ROBO2: variants seen among roughly 807,000 people sequenced by gnomAD.
The protein encoded by ROBO2 is roundabout guidance receptor 2, also known as roundabout homolog 2.
Under a neutral mutation model 160.8 loss-of-function variants are expected in ROBO2, and 53 were observed. The ratio of observed to expected loss-of-function variants is 0.33; its 90% CI spans 0.26 to 0.41. The LOEUF (loss-of-function observed/expected upper bound fraction) is 0.41. Ranked by LOEUF, ROBO2 falls within the 10% of genes least tolerant of loss-of-function variation. The pLI is 1.00. For missense variants in ROBO2, 1,577 were observed against 1,722.4 expected (o/e 0.92, Z 1.49); for synonymous variants, 664 against 611.7 (o/e 1.09, Z -1.26).
intron 2 of ROBO2, among the ~76,000 whole-genome samples, chr3:76,330,899 C>T (rs566463470): frequency 2.6e-5 from 4 of 152,208 alleles, no homozygotes; most frequent in African/African-American, 4.8e-5. Flanking sequence ...TACTACCTAG[C>T]ACAGCCTCAT....
At chr3:75,977,071 A>G (rs1432428661) in intron 2 of ROBO2, among the ~76,000 whole-genome samples, 1 of 151,628 alleles carries the variant, frequency 6.6e-6, no homozygotes, top group Non-Finnish European at 1.5e-5. Context: ...ATATCAAAGA[A>G]TTGCAAAATA....
intron 2 of ROBO2, among the ~76,000 whole-genome samples, chr3:76,161,787 C>T (rs1186419041): frequency 6.6e-6 from 1 of 152,134 alleles, no homozygotes; most frequent in Admixed American, 6.6e-5. Flanking sequence ...TTCACCATCT[C>T]TTTTACCTGC....
At chr3:76,822,452 T>C (rs2066203381) in intron 2 of ROBO2, among the ~76,000 whole-genome samples, 1 of 152,050 alleles carries the variant, frequency 6.6e-6, no homozygotes, top group South Asian at 2.1e-4. Flanking sequence ...GTTTATATGC[T>C]ATTGCCATGT....
At chr3:76,385,562 AC>A (rs887547044) in intron 2 of ROBO2, among the ~76,000 whole-genome samples, 8 of 152,218 alleles carry the variant, frequency 5.3e-5, no homozygotes, top group African/African-American at 1.9e-4. Flanking sequence ...TGGAAAGCGT[AC>A]CCGCAAATTA....
intron 2 of ROBO2, among the ~76,000 whole-genome samples, chr3:76,975,925 TA>T (rs2059795789): frequency 6.6e-6 from 1 of 152,280 alleles, no homozygotes; most frequent in South Asian, 2.1e-4. Context: ...GACACAGATA[TA>T]ACCAGATCTC....
intron 2 of ROBO2, among the ~76,000 whole-genome samples, chr3:76,376,215 G>A (rs1312625861): frequency 6.6e-6 from 1 of 152,034 alleles, no homozygotes; most frequent in Non-Finnish European, 1.5e-5. Context: ...AACACCAACT[G>A]ATAACTTTGA....
At chr3:77,386,384 C>T (rs1287002140) in intron 2 of ROBO2, among the ~76,000 whole-genome samples, 1 of 151,954 alleles carries the variant, frequency 6.6e-6, no homozygotes, top group Non-Finnish European at 1.5e-5. Context: ...TTTTCTAAAG[C>T]ACACAGAGAA....
At chr3:76,113,022 C>A (rs1405019854) in intron 2 of ROBO2, among the ~76,000 whole-genome samples, 2 of 151,938 alleles carry the variant, frequency 1.3e-5, no homozygotes, top group Non-Finnish European at 2.9e-5. Flanking sequence ...ACACAATTAG[C>A]TTTTATTAAC....
At chr3:77,603,114 G>A (rs982685362) in intron 20 of ROBO2, 2 of 455,904 alleles carry the variant, frequency 4.4e-6, no homozygotes, top group African/African-American at 4.0e-5. Flanking sequence ...CGTATGACCT[G>A]TGTTCCTAAC....
chr3:76,687,137 G>A (rs2092702603), intron 2 of ROBO2, among the ~76,000 whole-genome samples: 1 of 152,030 alleles, frequency 6.6e-6, no homozygotes, highest in Non-Finnish European at 1.5e-5. Flanking sequence ...ACGTATTGCA[G>A]CATTTAAACT....
chr3:76,570,390 T>C (rs2084885579), intron 2 of ROBO2, among the ~76,000 whole-genome samples: 2 of 152,218 alleles, frequency 1.3e-5, no homozygotes, highest in Non-Finnish European at 2.9e-5. Flanking sequence ...TAGACACATT[T>C]AAGTAAATTT....
At chr3:76,656,667 C>G (rs964970470) in intron 2 of ROBO2, among the ~76,000 whole-genome samples, 24 of 151,940 alleles carry the variant, frequency 1.6e-4, no homozygotes, top group African/African-American at 5.8e-4. Flanking sequence ...CCGCAAGAAA[C>G]TGACTAAAGC....
intron 2 of ROBO2, among the ~76,000 whole-genome samples, chr3:77,102,001 A>G (rs987934418): frequency 5.3e-5 from 8 of 152,146 alleles, no homozygotes; most frequent in African/African-American, 7.2e-5. Flanking sequence ...GATGGTGCCA[A>G]TGCACTCCAG....
chr3:76,150,692 A>G (rs2072162086), intron 2 of ROBO2, among the ~76,000 whole-genome samples: 1 of 152,128 alleles, frequency 6.6e-6, no homozygotes, highest in African/African-American at 2.4e-5. Flanking sequence ...TTCCCTGACC[A>G]GATGCTAAAA....
chr3:77,244,078 G>A (rs1012113542), intron 2 of ROBO2, among the ~76,000 whole-genome samples: 1 of 152,134 alleles, frequency 6.6e-6, no homozygotes, highest in African/African-American at 2.4e-5. Context: ...AGTAGTGACT[G>A]TATCATTATA....
chr3:76,530,082 G>A (rs563941789), intron 2 of ROBO2, among the ~76,000 whole-genome samples: 7 of 152,204 alleles, frequency 4.6e-5, no homozygotes, highest in African/African-American at 1.7e-4. Flanking sequence ...AGATGAACTG[G>A]AAACGCCATT....
At chr3:77,388,325 A>C (rs939324763) in intron 2 of ROBO2, among the ~76,000 whole-genome samples, 5 of 152,176 alleles carry the variant, frequency 3.3e-5, no homozygotes, top group Non-Finnish European at 5.9e-5. Context: ...GGGGCTGGAC[A>C]ATCACTTAAG....
chr3:77,579,563 AAC>A (rs2093859321), intron 15 of ROBO2, among the ~76,000 whole-genome samples: 1 of 152,182 alleles, frequency 6.6e-6, no homozygotes, highest in African/African-American at 2.4e-5. Context: ...TGATAAATAA[AAC>A]AGAGGAAATT....
chr3:76,826,116 T>A (rs185311272), intron 2 of ROBO2, among the ~76,000 whole-genome samples: 1 of 152,042 alleles, frequency 6.6e-6, no homozygotes, highest in East Asian at 1.9e-4. Flanking sequence ...AGAGTTTGAT[T>A]CTAAACTAAT....
Sources: gnomAD v4.1 joint callset for allele counts (sites outside exome capture counted in the v4.1 genomes callset) on GRCh38, gnomAD v4.1.1 for gene constraint, MANE v1.5 for transcripts, NCBI Gene and HGNC (gene_info 2026-07-23, HGNC 2026-07-21) for gene names.